The following GSAP variants were observed in gnomAD, a reference collection of about 807,000 sequenced individuals.
The protein encoded by GSAP is gamma-secretase-activating protein.
GSAP carries 118 observed loss-of-function variants against 131.7 expected under a neutral mutation model. That is an observed-to-expected ratio of 0.90 (90% CI 0.77 to 1.04). GSAP has a LOEUF of 1.04. Ranked by LOEUF, GSAP falls within the 50% of genes least tolerant of loss-of-function variation. The pLI is 0.00. For synonymous variants in GSAP, 381 were observed against 363.4 expected (o/e 1.05, Z -0.55); for missense variants, 1,019 against 1,013.2 (o/e 1.01, Z -0.08).
chr7:77,391,546 A>T (rs6974013), intron 5 of GSAP, among the ~76,000 whole-genome samples: 25,174 of 152,168 alleles, frequency 0.17, 2,242 homozygotes, highest in South Asian at 0.26. Context: ...TAAAACATGC[A>T]GGGCAAGGTG....
intron 19 of GSAP, among the ~76,000 whole-genome samples, chr7:77,348,964 G>T (rs995426644): frequency 6.6e-6 from 1 of 152,172 alleles, no homozygotes; most frequent in East Asian, 1.9e-4. Flanking sequence ...GCACGTGCAC[G>T]TGCGCAAGCT....
intron 26 of GSAP, chr7:77,315,575 C>G (rs773913937): frequency 6.6e-6 from 1 of 152,136 alleles, no homozygotes; most frequent in Non-Finnish European, 1.5e-5. Context: ...TTCACAGGAG[C>G]TAGGCAACTT....
intron 2 of GSAP, 86 bp downstream of exon 2, chr7:77,405,943 G>A: frequency 1.9e-6 from 1 of 513,960 alleles, no homozygotes. Context: ...ATAAGATACA[G>A]TATAGAATTC....
At chr7:77,312,038 T>C (rs895982432) in intron 29 of GSAP, 63 bp downstream of exon 29, 4 of 1,219,032 alleles carry the variant, frequency 3.3e-6, no homozygotes, top group South Asian at 2.5e-5. Context: ...CATACAGATA[T>C]GTTGTCACGG....
intron 18 of GSAP, among the ~76,000 whole-genome samples, chr7:77,350,640 G>A (rs1374461577): frequency 6.6e-6 from 1 of 151,890 alleles, no homozygotes; most frequent in Non-Finnish European, 1.5e-5. Context: ...CTACTCAGGA[G>A]GCTGAGGCAG....
chr7:77,410,203 A>G (rs1213389688), intron 1 of GSAP, among the ~76,000 whole-genome samples: 1 of 152,238 alleles, frequency 6.6e-6, no homozygotes, highest in African/African-American at 2.4e-5. Context: ...TGGGAACATT[A>G]GGTAATAACT....
At chr7:77,398,483 AG>A (rs1398719434) in intron 3 of GSAP, among the ~76,000 whole-genome samples, 2 of 152,192 alleles carry the variant, frequency 1.3e-5, no homozygotes, top group Non-Finnish European at 2.9e-5. Context: ...CTTAATTTTT[AG>A]TTTGTTATCT....
chr7:77,401,859 C>T (rs935283349), intron 3 of GSAP, among the ~76,000 whole-genome samples: 1 of 152,194 alleles, frequency 6.6e-6, no homozygotes, highest in Non-Finnish European at 1.5e-5. Flanking sequence ...TTCATTCGAA[C>T]TGGTAAAATT....
chr7:77,374,382 C>T (rs940515079), intron 11 of GSAP, among the ~76,000 whole-genome samples: 4 of 152,130 alleles, frequency 2.6e-5, no homozygotes, highest in African/African-American at 9.7e-5. Context: ...TTTCATCTTA[C>T]ATTTTTATAA....
chr7:77,385,013 T>TC (rs1200677296), intron 6 of GSAP, among the ~76,000 whole-genome samples: 1 of 151,802 alleles, frequency 6.6e-6, no homozygotes, highest in Admixed American at 6.6e-5. Context: ...ATAGATGCTG[T>TC]CCTGTTCCAT....
At chr7:77,377,125 G>T (rs1797013223) in intron 9 of GSAP, among the ~76,000 whole-genome samples, 161 bp downstream of exon 9, 1 of 151,184 alleles carries the variant, frequency 6.6e-6, no homozygotes, top group Non-Finnish European at 1.5e-5. Flanking sequence ...CCTGAGGCAG[G>T]TGCATCACTT....
At chr7:77,341,115 A>G (rs1485790544) in intron 19 of GSAP, among the ~76,000 whole-genome samples, 1 of 152,204 alleles carries the variant, frequency 6.6e-6, no homozygotes, top group East Asian at 1.9e-4. Flanking sequence ...ATTTTACAAG[A>G]CCCGGATGAT....
intron 19 of GSAP, 62 bp downstream of exon 19, chr7:77,349,289 A>G: frequency 7.7e-7 from 1 of 1,303,994 alleles, no homozygotes; most frequent in Non-Finnish European, 1.1e-6. Context: ...CCACCATAAT[A>G]CTCAGGCAGC....
At chr7:77,389,203 AT>A (rs909861362) in intron 5 of GSAP, among the ~76,000 whole-genome samples, 1 of 151,316 alleles carries the variant, frequency 6.6e-6, no homozygotes, top group Non-Finnish European at 1.5e-5. Flanking sequence ...ACGAACTGAC[AT>A]TTTTTTGACC....
chr7:77,416,160 T>A lies in GSAP; in HGVS notation c.109+53A>T, dbSNP rs573839087. 1.0e-5 allele frequency: 11 copies of A among 1,078,134 alleles called. No homozygotes were observed. In the South Asian group the frequency reaches 1.6e-4, roughly 16 times the overall value. 66.8% of individuals were successfully genotyped at this position (1,078,134 alleles called of 1,614,324 possible). ...CCACCGGGTCGGAGTCCGGGGGGTA[T>A]GAGGGACTCCCACTCCCCGCCCCCA... On this transcript the variant is annotated intron_variant, in intron 1 of 30. Coordinates refer to ENST00000257626, the MANE Select transcript of GSAP (RefSeq NM_017439.4).
Position 77,311,093 on chromosome 7 carries a change from T to G in GSAP, c.*265A>C. 2.9e-6 allele frequency: 1 copy of G among 339,012 alleles called. No homozygotes were observed. Among genetic ancestry groups the G allele is most frequent in the Non-Finnish European group, 5.4e-6 (1 of 185,434 alleles). 21.0% of individuals were successfully genotyped at this position (339,012 alleles called of 1,614,324 possible). A position where few individuals can be genotyped will look rare whatever the true frequency, so the allele number is the denominator to read the frequency against. ...ACTAGCTTGTGGCCTATTAAGCTACTAGGAAGAGCATCGTTTATGCCACTG... is the reference window on the plus strand; with the variant it reads ...ACTAGCTTGTGGCCTATTAAGCTACGAGGAAGAGCATCGTTTATGCCACTG... On this transcript the variant is annotated 3_prime_UTR_variant, in exon 31 of 31. Transcript: ENST00000257626.
chr7:77,373,009 A>G (rs1796366309), intron 12 of GSAP, among the ~76,000 whole-genome samples: 1 of 152,180 alleles, frequency 6.6e-6, no homozygotes, highest in Non-Finnish European at 1.5e-5. Context: ...AGAGGAATGG[A>G]TTATGCAGGA....
intron 14 of GSAP, 140 bp from the exon 15 acceptor site, chr7:77,355,787 G>GTTTTTGTTT (rs1554401704): frequency 3.6e-6 from 1 of 274,572 alleles, no homozygotes; most frequent in African/African-American, 3.3e-5. Flanking sequence ...ATGACAGCCC[G>GTTTTTGTTT]TTTTTTTTTT....
Position 77,375,052 on chromosome 7 carries a change from A to G in GSAP, c.785+6T>C. On this transcript the variant is annotated splice_donor_region_variant and intron_variant, in intron 11 of 30. Coordinates refer to ENST00000257626, the MANE Select transcript of GSAP (RefSeq NM_017439.4). ...AAAAATTAGTAACAACCTATGAATA[A>G]CTTACTTAAATCCTGAGTTGCTTAA... 1 of 1,419,588 alleles carries G rather than the reference A, an allele frequency of 7.0e-7. No homozygotes were observed. Among genetic ancestry groups the G allele is most frequent in the Non-Finnish European group, 9.9e-7 (1 of 1,012,646 alleles). 87.9% of individuals were successfully genotyped at this position (1,419,588 alleles called of 1,614,324 possible).
Sources: gnomAD v4.1 joint callset for allele counts (sites outside exome capture counted in the v4.1 genomes callset) on GRCh38, gnomAD v4.1.1 for gene constraint, MANE v1.5 for transcripts, NCBI Gene and HGNC (gene_info 2026-07-23, HGNC 2026-07-21) for gene names.